The following TMEM132D variants were observed in gnomAD, a reference collection of about 807,000 sequenced individuals.
TMEM132D encodes the protein mature OL transmembrane protein.
A neutral mutation model predicts 62.3 loss-of-function variants in TMEM132D; 21 were observed. The ratio of observed to expected loss-of-function variants is 0.34; its 90% confidence interval spans 0.24 to 0.49. The LOEUF is 0.49. Ranked by LOEUF, TMEM132D falls within the 20% of genes least tolerant of loss-of-function variation. The pLI is 0.99. For synonymous variants in TMEM132D, 621 were observed against 575.6 expected, an observed-to-expected ratio of 1.08 and a Z score of -1.13; for missense variants, 1,346 against 1,402.8, an observed-to-expected ratio of 0.96 and a Z score of 0.65.
intron 3 of TMEM132D, among the ~76,000 whole-genome samples, chr12:129,489,479 T>G (rs746255882): frequency 6.6e-6 from 1 of 152,242 alleles, no homozygotes; most frequent in Non-Finnish European, 1.5e-5. Flanking sequence ...TACTGTTATA[T>G]GCCTACAATA....
At chr12:129,842,295 T>C (rs1873222903) in intron 1 of TMEM132D, among the ~76,000 whole-genome samples, 1 of 151,902 alleles carries the variant, frequency 6.6e-6, no homozygotes, top group African/African-American at 2.4e-5. Context: ...AATTGCAACA[T>C]CTCATTTTCC....
intron 2 of TMEM132D, among the ~76,000 whole-genome samples, chr12:129,637,649 G>A (rs1879519366): frequency 6.6e-6 from 1 of 152,114 alleles, no homozygotes; most frequent in Non-Finnish European, 1.5e-5. Context: ...TGCGGAGACT[G>A]GGTAATTTAT....
At chr12:129,298,866 C>T (rs1169807242) in intron 4 of TMEM132D, among the ~76,000 whole-genome samples, 1 of 151,824 alleles carries the variant, frequency 6.6e-6, no homozygotes, top group Non-Finnish European at 1.5e-5. Flanking sequence ...GTCAAAGGCT[C>T]TTCTTTATGA....
intron 5 of TMEM132D, among the ~76,000 whole-genome samples, chr12:129,191,184 C>T (rs1351696034): frequency 6.6e-6 from 1 of 152,088 alleles, no homozygotes; most frequent in African/African-American, 2.4e-5. Context: ...GTGGAATCTA[C>T]TCAAAGCCAC....
intron 3 of TMEM132D, among the ~76,000 whole-genome samples, chr12:129,395,080 AC>A (rs1355115489): frequency 2.6e-5 from 4 of 152,178 alleles, no homozygotes; most frequent in Non-Finnish European, 5.9e-5. Flanking sequence ...AAATGTGAGT[AC>A]CCCCAAATTA....
rs7977075 is a variant in TMEM132D at position 129,719,862 on chromosome 12, T to C, written c.80-19164A>G. 2.0e-3 allele frequency among the ~76,000 whole-genome samples: 312 copies of C among 152,324 alleles called. 1 individual carries two copies. The highest frequency in any genetic ancestry group is 7.3e-3 in the African/African-American group (303 of 41,578). On this transcript the variant is annotated intron_variant, in intron 1 of 8. Coordinates refer to ENST00000422113, the MANE Select transcript of TMEM132D (RefSeq NM_133448.3). ...TAAGCTTAGGAGAGTCTCTTAAAAA[T>C]AGGGCTTTTGTGGCTCACTTGTTTG...
intron 1 of TMEM132D, among the ~76,000 whole-genome samples, chr12:129,727,412 G>A (rs928238907): frequency 1.3e-5 from 2 of 152,130 alleles, no homozygotes; most frequent in East Asian, 1.9e-4. Flanking sequence ...CCACTTTCAC[G>A]ACAATGGTAC....
At chr12:129,589,930 T>C (rs1270985917) in intron 2 of TMEM132D, among the ~76,000 whole-genome samples, 1 of 152,214 alleles carries the variant, frequency 6.6e-6, no homozygotes, top group Non-Finnish European at 1.5e-5. Flanking sequence ...TCATTGTTTT[T>C]ACTCACTCCC....
chr12:129,541,323 G>C (rs1876575821), intron 2 of TMEM132D, among the ~76,000 whole-genome samples: 1 of 152,112 alleles, frequency 6.6e-6, no homozygotes, highest in Admixed American at 6.5e-5. Flanking sequence ...TGTTCCTACT[G>C]AACACAGACC....
At position 129,737,637 on chromosome 12, in the gene TMEM132D, C is replaced by G. The variant is rs113997394; in HGVS notation, c.80-36939G>C. Among the ~76,000 whole-genome samples, 1,289 of 152,308 alleles carry G rather than the reference C, an allele frequency of 8.5e-3. 15 individuals carry two copies. The highest frequency in any genetic ancestry group is 0.03 in the African/African-American group (1,242 of 41,558). On this transcript the variant is annotated intron_variant, in intron 1 of 8. Coordinates refer to ENST00000422113, the MANE Select transcript of TMEM132D (RefSeq NM_133448.3). ...TGATGTTGTCCTTTTCATTTTGCAC[C>G]TGCCTGATTCACTCATGTACAGACC...
chr12:129,901,846 A>G (rs1875362314), intron 1 of TMEM132D, among the ~76,000 whole-genome samples: 1 of 149,906 alleles, frequency 6.7e-6, no homozygotes, highest in Non-Finnish European at 1.5e-5. Context: ...CTATTATAAA[A>G]CCAAGTGAGA....
intron 4 of TMEM132D, among the ~76,000 whole-genome samples, chr12:129,214,846 T>C (rs1036123205): frequency 2.0e-5 from 3 of 152,222 alleles, no homozygotes; most frequent in Non-Finnish European, 2.9e-5. Context: ...AAGGGAATAC[T>C]TATATACTGT....
At chr12:129,518,865 T>G (rs1208452723) in intron 3 of TMEM132D, among the ~76,000 whole-genome samples, 1 of 152,016 alleles carries the variant, frequency 6.6e-6, no homozygotes, top group Non-Finnish European at 1.5e-5. Context: ...CTCCTGATTA[T>G]TTACTTAAGA....
At chr12:129,376,502 G>A (rs1469731937) in intron 3 of TMEM132D, among the ~76,000 whole-genome samples, 1 of 152,118 alleles carries the variant, frequency 6.6e-6, no homozygotes, top group East Asian at 1.9e-4. Flanking sequence ...TACCTCTCAC[G>A]ACACACGGGG....
At chr12:129,082,105 G>C (rs2135617122) in intron 6 of TMEM132D, 73 bp from the exon 7 acceptor site, 1 of 1,521,410 alleles carries the variant, frequency 6.6e-7, no homozygotes, top group Admixed American at 2.0e-5. Flanking sequence ...GTGGAGCCTG[G>C]TGGGGGCTGC....
At chr12:129,187,877 C>A (rs184650224) in intron 5 of TMEM132D, among the ~76,000 whole-genome samples, 5 of 152,356 alleles carry the variant, frequency 3.3e-5, no homozygotes, top group South Asian at 2.1e-4. Context: ...TTGTGTGTAA[C>A]CCTCACTGTC....
At chr12:129,397,928 C>A (rs11835213) in intron 3 of TMEM132D, among the ~76,000 whole-genome samples, 12,123 of 152,210 alleles carry the variant, frequency 0.08, 1,140 homozygotes, top group African/African-American at 0.24. Context: ...AGGGACTTTT[C>A]TTTGGGGCCA....
intron 1 of TMEM132D, among the ~76,000 whole-genome samples, chr12:129,832,704 G>A (rs997251383): frequency 1.3e-5 from 2 of 152,154 alleles, no homozygotes; most frequent in Non-Finnish European, 2.9e-5. Flanking sequence ...GTCAGGGGAC[G>A]CTGCAGGCAT....
intron 4 of TMEM132D, among the ~76,000 whole-genome samples, chr12:129,289,323 G>A (rs1259628960): frequency 1.3e-5 from 2 of 151,926 alleles, no homozygotes; most frequent in African/African-American, 4.8e-5. Flanking sequence ...GCAGGCAGAT[G>A]ACCTGAGTTC....
Sources: gnomAD v4.1 joint callset for allele counts (sites outside exome capture counted in the v4.1 genomes callset) on GRCh38, gnomAD v4.1.1 for gene constraint, MANE v1.5 for transcripts, NCBI Gene and HGNC (gene_info 2026-07-23, HGNC 2026-07-21) for gene names.